Variants in NPDC1 observed in about 807,000 individuals in gnomAD.
NPDC1 encodes the protein neural proliferation, differentiation and control 1.
Under a neutral mutation model 32.5 loss-of-function variants are expected in NPDC1, and 18 were observed. The ratio of observed to expected loss-of-function variants is 0.55; its 90% CI spans 0.38 to 0.82. NPDC1 has a LOEUF of 0.82. Among genes scored for constraint, NPDC1 ranks in the 40% least tolerant of loss-of-function variants. NPDC1 has a pLI of 0.00. For missense variants in NPDC1, 468 were observed against 406.6 expected (o/e 1.15, Z -1.30); for synonymous variants, 210 against 184.7 (o/e 1.14, Z -1.11).
intron 6 of NPDC1, 26 bp from the exon 7 acceptor site, chr9:137,040,462 A>C: frequency 6.4e-7 from 1 of 1,565,082 alleles, no homozygotes; most frequent in Non-Finnish European, 8.6e-7. Flanking sequence ...GGCGAGGGTC[A>C]GTTGGCGGCC....
Position 137,041,183 on chromosome 9 carries a change from C to T in NPDC1, c.264G>A (p.Gly88=), listed in dbSNP as rs771459979. 9.1e-6 allele frequency: 13 copies of T among 1,435,992 alleles called. No homozygotes were observed. The highest frequency in any genetic ancestry group is 1.2e-5 in the Non-Finnish European group (13 of 1,093,296). 89.0% of individuals were successfully genotyped at this position (1,435,992 alleles called of 1,614,324 possible). A position where few individuals can be genotyped will look rare whatever the true frequency, so the allele number is the denominator to read the frequency against. ...CTTCCAGTCTGGGCTGGGGCCGGCCCCCGCCTGGGGAGGGTGAGGGGCCAT... is the reference window on the plus strand; with the variant it reads ...CTTCCAGTCTGGGCTGGGGCCGGCCTCCGCCTGGGGAGGGTGAGGGGCCAT... ...CVPRMRRPPG[G]GRPQPRLEDE... The change falls in exon 3 of 9, where the codon GGG becomes GGA. Residue 88 remains glycine, a synonymous_variant. Transcript: ENST00000371601.
chr9:137,040,908 C>A lies in NPDC1; in HGVS notation c.462G>T (p.Thr154=). 6.4e-7 allele frequency: 1 copy of A among 1,573,544 alleles called. No individual in the cohort carries two copies. The change falls in exon 4 of 9, where the codon ACG becomes ACT. Residue 154 remains threonine (T), a synonymous_variant. Coordinates refer to ENST00000371601, the MANE Select transcript of NPDC1 (RefSeq NM_015392.4). The part of the protein sequence containing the change: ...LPSTPGTPTP[T]PHTSLGSPVS... ...CAGGGGAGCCCAGGGAGGTGTGGGG[C>A]GTGGGCGTGGGGGTTCCTGGAGTGG... is the stretch of plus-strand genomic sequence containing the variant.
chr9:137,044,542 T>C (rs1832102992), intron 1 of NPDC1, among the ~76,000 whole-genome samples: 2 of 152,078 alleles, frequency 1.3e-5, no homozygotes, highest in South Asian at 4.1e-4. Flanking sequence ...TTCCTCCTCC[T>C]GAAAAGAGGT....
rs564238459 is a variant in NPDC1, at chr9:137,040,964, G to A, written c.406C>T (p.Arg136Trp). The change falls in exon 4 of 9, where the codon CGG becomes TGG. Residue 136 changes from arginine to tryptophan, a missense_variant. Arg to Trp is a moderately radical substitution (Grantham distance 101, BLOSUM62 -3). Coordinates refer to ENST00000371601, the MANE Select transcript of NPDC1 (RefSeq NM_015392.4). ...AGGCCCAGCTCCAGCCCCTGCCCCC[G>A]TGCCGAGAAGCCCAGGGTGGCTGCG... Reference protein sequence around the residue: ...PEPATLGFSARGQGLELGLPS... With the variant: ...PEPATLGFSAWGQGLELGLPS... 23 of 1,544,170 alleles carry A rather than the reference G, an allele frequency of 1.5e-5. No individual in the cohort carries two copies. In the East Asian group the frequency reaches 3.2e-4, roughly 21 times the overall value.
rs1193493408 is a variant in NPDC1 at position 137,040,495 on chromosome 9, G to A, written c.708+19C>T. 2 of 1,585,580 alleles carry A rather than the reference G, an allele frequency of 1.3e-6. No homozygotes were observed. Among genetic ancestry groups the A allele is most frequent in the Non-Finnish European group, 1.7e-6 (2 of 1,169,894 alleles). On this transcript the variant is annotated intron_variant, in intron 6 of 8. Transcript: ENST00000371601. ...GCCAGAGTTGGGCGGGAGCCTCAGG[G>A]CTGAAGGGGGCCACACACCGAGATC...
In NPDC1 at chr9:137,042,499, T is replaced by C. The variant is rs1588548662; in HGVS notation, c.259+428A>G. Among the ~76,000 whole-genome samples, 4 of 151,320 alleles carry C rather than the reference T, an allele frequency of 2.6e-5. No homozygotes were observed. In the South Asian group the frequency reaches 8.5e-4, roughly 32 times the overall value. ...GTCTCGATCTCCTGACCTTATGATG[T>C]GCCCGCCTCGGCCTCCCAAAGTGCT... On this transcript the variant is annotated intron_variant, in intron 2 of 8. Coordinates refer to ENST00000371601, the MANE Select transcript of NPDC1 (RefSeq NM_015392.4).
At chr9:137,043,342 G>A (rs1335354767) in intron 1 of NPDC1, 1 of 717,324 alleles carries the variant, frequency 1.4e-6, no homozygotes, top group Non-Finnish European at 2.6e-6. Flanking sequence ...CAGAAGCTGA[G>A]TCTCGCCGTC....
At position 137,046,017 on chromosome 9, in the gene NPDC1, G is replaced by T; in HGVS notation, c.-28C>A. The T allele has an allele frequency of 8.4e-7, 1 of 1,186,540 alleles. No individual in the cohort carries two copies. Among genetic ancestry groups the T allele is most frequent in the South Asian group, 4.2e-5 (1 of 23,822 alleles). 73.5% of individuals were successfully genotyped at this position (1,186,540 alleles called of 1,614,324 possible). ...TTCAGCGCCGCCGCCGGGGCAGCAT[G>T]GCACCGCGAGGCCAGGGGCTCGGCG... On this transcript the variant is annotated 5_prime_UTR_variant, in exon 1 of 9. Coordinates refer to ENST00000371601, the MANE Select transcript of NPDC1 (RefSeq NM_015392.4).
intron 1 of NPDC1, among the ~76,000 whole-genome samples, chr9:137,044,693 C>T (rs541953938): frequency 2.0e-5 from 3 of 152,378 alleles, no homozygotes; most frequent in Admixed American, 1.3e-4. Flanking sequence ...GCCAGGTCTC[C>T]CGGTGAGGCA....
At chr9:137,043,490 G>A (rs1588549362) in intron 1 of NPDC1, 2 of 613,162 alleles carry the variant, frequency 3.3e-6, no homozygotes, top group Admixed American at 2.9e-5. Context: ...CTGTCTCTGG[G>A]GAGCAGCAAA....
Position 137,040,942 on chromosome 9 carries a change from C to T in NPDC1, c.428G>A (p.Gly143Asp). 1.9e-6 allele frequency: 3 copies of T among 1,556,282 alleles called. No homozygotes were observed. The highest frequency in any genetic ancestry group is 2.4e-5 in the South Asian group (2 of 83,130). ...GGGGGTTCCTGGAGTGGAGGGGAGG[C>T]CCAGCTCCAGCCCCTGCCCCCGTGC... ...FSARGQGLEL[G>D]LPSTPGTPTP... The change falls in exon 4 of 9, where the codon GGC becomes GAC. Residue 143 changes from glycine (G) to aspartate (D), a missense_variant. By Grantham distance (94) the Gly-to-Asp change is moderately conservative. Transcript: ENST00000371601.
chr9:137,045,584 G>C (rs892380612), intron 1 of NPDC1, among the ~76,000 whole-genome samples: 1 of 152,236 alleles, frequency 6.6e-6, no homozygotes, highest in Non-Finnish European at 1.5e-5. Context: ...GCCGCGGCGC[G>C]GAGGCCTGAG....
chr9:137,040,177 G>A, intron 7 of NPDC1, 110 bp from the exon 8 acceptor site: 2 of 703,894 alleles, frequency 2.8e-6, no homozygotes, highest in African/African-American at 1.7e-5. Flanking sequence ...GGGGAGCACA[G>A]CCCAGGGTGA....
In NPDC1 at chr9:137,040,713, G is replaced by A; in HGVS notation, c.581C>T (p.Ala194Val). The change falls in exon 5 of 9, where the codon GCC becomes GTC. Residue 194 changes from alanine to valine, a missense_variant. Coordinates refer to ENST00000371601, the MANE Select transcript of NPDC1 (RefSeq NM_015392.4). ...GGCTACGGAGAGGGCGGCTGCACCG[G>A]CCACACAGAACGCCAGGATCAGCAC... is the stretch of plus-strand genomic sequence containing the variant. ...ALVLILAFCV[A>V]GAAALSVASL... 1.3e-6 allele frequency: 2 copies of A among 1,589,524 alleles called. No homozygotes were observed. The highest frequency in any genetic ancestry group is 1.8e-5 in the Admixed American group (1 of 56,842).
chr9:137,043,200 T>C (rs1478769264), intron 1 of NPDC1, 127 bp from the exon 2 acceptor site: 1 of 1,071,060 alleles, frequency 9.3e-7, no homozygotes, highest in African/African-American at 1.6e-5. Flanking sequence ...TTCTGGCCAT[T>C]GTTCTGGACA....
At chr9:137,045,657 G>C (rs961588766) in intron 1 of NPDC1, among the ~76,000 whole-genome samples, 2 of 152,212 alleles carry the variant, frequency 1.3e-5, no homozygotes, top group Admixed American at 1.3e-4. Context: ...ACCGGCAGAA[G>C]CCCCATCCGG....
chr9:137,040,602 TG>T lies in NPDC1; in HGVS notation c.624-5del. 1.3e-6 allele frequency: 2 copies of T among 1,567,218 alleles called. No individual in the cohort carries two copies. ...CAGGCGGATCTCACGCTGCAGCCTG[TG>T]GGGAGTGGGGCCTGAGACCTCTGAG... On this transcript the variant is annotated splice_polypyrimidine_tract_variant and splice_region_variant and intron_variant, in intron 5 of 8. Coordinates refer to ENST00000371601, the MANE Select transcript of NPDC1 (RefSeq NM_015392.4).
intron 7 of NPDC1, 120 bp downstream of exon 7, chr9:137,040,237 A>C: frequency 1.1e-6 from 1 of 912,930 alleles, no homozygotes; most frequent in Non-Finnish European, 1.7e-6. Flanking sequence ...GGTGAAGGTT[A>C]GCGTGCAGGT....
Position 137,040,384 on chromosome 9 carries a change from T to G in NPDC1, c.761A>C (p.Gln254Pro). ...CTCCAGGCACAGCATCTGTTGCCGT[T>G]GGTGCTGGTAGTGGTACATCTCCGC... is the stretch of plus-strand genomic sequence containing the variant. ...QSAEMYHYQH[Q>P]RQQMLCLERH... Residue 254 changes from glutamine to proline, a missense_variant, in exon 7 of 9, where the codon CAA becomes CCA. Physicochemically the swap from Gln to Pro is moderately conservative, Grantham distance 76. Coordinates refer to ENST00000371601, the MANE Select transcript of NPDC1 (RefSeq NM_015392.4). 1 of 1,546,856 alleles carries G rather than the reference T, an allele frequency of 6.5e-7. No homozygotes were observed.
Sources: allele counts gnomAD v4.1 joint callset (sites outside exome capture counted in the v4.1 genomes callset), GRCh38; gene constraint gnomAD v4.1.1; transcripts MANE v1.5; gene names NCBI Gene and HGNC (gene_info 2026-07-23, HGNC 2026-07-21).